Variants in THAP12 observed in about 807,000 individuals in gnomAD.
THAP12 encodes 52 kDa repressor of the inhibitor of the protein kinase.
In THAP12, 20 loss-of-function variants were observed where a neutral mutation model predicts 63.0. The ratio of observed to expected loss-of-function variants is 0.32; its 90% CI spans 0.22 to 0.46. The LOEUF (loss-of-function observed/expected upper bound fraction) is 0.46. Among genes scored for constraint, THAP12 ranks in the 20% least tolerant of loss-of-function variants. The probability of loss-of-function intolerance (pLI) is 1.00; values close to 1 mark genes in which losing one functional copy is unlikely to be tolerated. For synonymous variants in THAP12, 264 were observed against 328.4 expected (o/e 0.80, Z 2.12); for missense variants, 568 against 908.2 (o/e 0.63, Z 4.81).
intron 2 of THAP12, 66 bp from the exon 3 acceptor site, chr11:76,361,129 C>T (rs1205471615): frequency 9.8e-7 from 1 of 1,023,164 alleles, no homozygotes; most frequent in Admixed American, 2.0e-5. Flanking sequence ...CAATAAAATT[C>T]TATGTTAATG....
chr11:76,354,623 TA>T (rs983199552), intron 4 of THAP12, among the ~76,000 whole-genome samples: 1 of 152,216 alleles, frequency 6.6e-6, no homozygotes, highest in Non-Finnish European at 1.5e-5. Flanking sequence ...TTTCAACTTT[TA>T]TTTGGTCAGT....
intron 1 of THAP12, among the ~76,000 whole-genome samples, chr11:76,370,848 A>G (rs1344041834): frequency 6.8e-6 from 1 of 148,016 alleles, no homozygotes; most frequent in East Asian, 2.0e-4. Context: ...AAAAAAATAT[A>G]TATATATATG....
chr11:76,378,550 G>A (rs984104857), intron 1 of THAP12, among the ~76,000 whole-genome samples: 1 of 151,652 alleles, frequency 6.6e-6, no homozygotes, highest in Non-Finnish European at 1.5e-5. Flanking sequence ...AAAAGTATAG[G>A]CCATTTGGAG....
chr11:76,362,944 A>C (rs532373427), intron 2 of THAP12, among the ~76,000 whole-genome samples: 6 of 152,300 alleles, frequency 3.9e-5, no homozygotes, highest in East Asian at 3.9e-4. Flanking sequence ...GGAGTTCAAG[A>C]CCAGCTTAGG....
intron 3 of THAP12, among the ~76,000 whole-genome samples, chr11:76,359,812 G>A (rs1431275758): frequency 2.7e-5 from 4 of 150,300 alleles, no homozygotes; most frequent in African/African-American, 9.9e-5. Context: ...GGGTGAGAGT[G>A]AGACTCTGTC....
chr11:76,367,907 A>G (rs1472436692), intron 1 of THAP12, among the ~76,000 whole-genome samples: 1 of 152,248 alleles, frequency 6.6e-6, no homozygotes, highest in African/African-American at 2.4e-5. Flanking sequence ...CATTTGACCA[A>G]CAAGTATTAC....
intron 4 of THAP12, among the ~76,000 whole-genome samples, chr11:76,353,348 T>C (rs989544550): frequency 1.3e-4 from 20 of 152,186 alleles, no homozygotes; most frequent in African/African-American, 4.8e-4. Flanking sequence ...TCGGCCCCAC[T>C]TGACAAACAA....
intron 1 of THAP12, among the ~76,000 whole-genome samples, chr11:76,373,939 T>C (rs1256114682): frequency 6.6e-6 from 1 of 152,158 alleles, no homozygotes; most frequent in Admixed American, 6.5e-5. Context: ...TAATAAAAAA[T>C]TGCATTTTCC....
At position 76,354,797 on chromosome 11, in the gene THAP12, G is replaced by A. The variant is rs1341307314; in HGVS notation, c.355+821C>T. Among the ~76,000 whole-genome samples, 5 of 152,212 alleles carry A rather than the reference G, an allele frequency of 3.3e-5. No homozygotes were observed. In the East Asian group the frequency reaches 9.6e-4, roughly 29 times the overall value. On this transcript the variant is annotated intron_variant, in intron 4 of 4. Transcript: ENST00000260045. Reference sequence around the variant, plus strand: ...AAGTCTGCAAGTTCTGGCCTCTGGGGTCCTCTCTAGGCTATTTTCTAACCA... The same window carrying A: ...AAGTCTGCAAGTTCTGGCCTCTGGGATCCTCTCTAGGCTATTTTCTAACCA...
chr11:76,378,331 T>G (rs779821006), intron 1 of THAP12, among the ~76,000 whole-genome samples: 1 of 151,988 alleles, frequency 6.6e-6, no homozygotes, highest in Non-Finnish European at 1.5e-5. Flanking sequence ...GCTGAGTGAG[T>G]AGAATAGTTT....
Position 76,365,884 on chromosome 11 carries a change from T to G in THAP12, c.178A>C (p.Lys60Gln), listed in dbSNP as rs752115512. Residue 60 changes from lysine (K) to glutamine (Q), a missense_variant, in exon 2 of 5, where the codon AAA becomes CAA. Coordinates refer to ENST00000260045, the MANE Select transcript of THAP12 (RefSeq NM_004705.4). ...QLNKHYRLCA[K>Q]HFETSMICRT... ...CAGATCATAGAGGTCTCAAAATGTTTGGCACATAATCGATAATGTTTATTT... is the reference window on the plus strand; with the variant it reads ...CAGATCATAGAGGTCTCAAAATGTTGGGCACATAATCGATAATGTTTATTT... The G allele has an allele frequency of 7.4e-6, 12 of 1,613,326 alleles. No homozygotes were observed. The highest frequency in any genetic ancestry group is 1.0e-5 in the Non-Finnish European group (12 of 1,179,566).
At chr11:76,370,605 G>A (rs899849269) in intron 1 of THAP12, among the ~76,000 whole-genome samples, 3 of 151,976 alleles carry the variant, frequency 2.0e-5, no homozygotes, top group South Asian at 2.1e-4. Context: ...TGAAGTGATC[G>A]TCCTGCCTCG....
intron 1 of THAP12, among the ~76,000 whole-genome samples, chr11:76,374,941 AAGAAGCCAAGAGTGAGCCCTCACC>A: frequency 6.6e-6 from 1 of 152,314 alleles, no homozygotes; most frequent in African/African-American, 2.4e-5. Context: ...GGCACCATCT[AAGAAGCCAAGAGTGAGCCCTCACC>A]AGATGCCAAA....
chr11:76,374,225 C>A (rs1946693284), intron 1 of THAP12, among the ~76,000 whole-genome samples: 1 of 152,108 alleles, frequency 6.6e-6, no homozygotes, highest in Admixed American at 6.5e-5. Context: ...CATCTGAGAC[C>A]AGACCAATGA....
Position 76,351,837 on chromosome 11 carries a change from A to G in THAP12, c.1313T>C (p.Val438Ala). The G allele has an allele frequency of 6.2e-7, 1 of 1,600,018 alleles. No individual in the cohort carries two copies. Residue 438 changes from valine (V) to alanine (A), a missense_variant, in exon 5 of 5, where the codon GTG (valine) becomes GCG (alanine). By Grantham distance (64) the Val-to-Ala change is moderately conservative (BLOSUM62 0). Coordinates refer to ENST00000260045, the MANE Select transcript of THAP12 (RefSeq NM_004705.4). ...TAAAACAAGTGCTTGCAGGAGTTCC[A>G]CTAAAATTTCAAAAGCATCATGCCT... ...TGRHDAFEIL[V>A]ELLQALVLCL... is the part of the protein sequence containing the mutation.
intron 3 of THAP12, chr11:76,357,075 T>C (rs1946566548): frequency 6.6e-6 from 1 of 152,140 alleles, no homozygotes; most frequent in Non-Finnish European, 1.5e-5. Context: ...TGGTTGTGTC[T>C]ATACTGAACA....
intron 2 of THAP12, among the ~76,000 whole-genome samples, chr11:76,364,665 C>G (rs1284477122): frequency 2.6e-5 from 4 of 152,172 alleles, no homozygotes; most frequent in African/African-American, 9.7e-5. Flanking sequence ...TTATTAGGAA[C>G]TGGGGCCCAA....
chr11:76,352,115 A>G lies in THAP12; in HGVS notation c.1035T>C (p.Ser345=), dbSNP rs1946531464. The change falls in exon 5 of 5, where the codon TCT becomes TCC. Residue 345 remains serine (S), a synonymous_variant. Transcript: ENST00000260045. ...GFSSKMKVVA[S]RLLEKYPQAI... is the part of the protein sequence containing the mutation. ...CTTGGGGATATTTCTCTAAAAGTCT[A>G]GAAGCAACAACTTTCATTTTGGAAG... 6.2e-7 allele frequency: 1 copy of G among 1,611,880 alleles called. No homozygotes were observed. Among genetic ancestry groups the G allele is most frequent in the Admixed American group, 1.7e-5 (1 of 59,994 alleles).
intron 1 of THAP12, among the ~76,000 whole-genome samples, chr11:76,371,810 C>CTTTTTTTT (rs71036086): frequency 7.6e-5 from 5 of 65,758 alleles, no homozygotes; most frequent in African/African-American, 3.0e-4. Context: ...TTTAACTTTT[C>CTTTTTTTT]TTTTTTTTTT....
Sources: gnomAD v4.1 joint callset for allele counts (sites outside exome capture counted in the v4.1 genomes callset) on GRCh38, gnomAD v4.1.1 for gene constraint, MANE v1.5 for transcripts, NCBI Gene and HGNC (gene_info 2026-07-23, HGNC 2026-07-21) for gene names.